The following C17orf113 variants were observed in gnomAD, a reference collection of about 807,000 sequenced individuals.
C17orf113 encodes chromosome 17 open reading frame 113, also known as uncharacterized protein C17orf113.
A neutral mutation model predicts 11.6 loss-of-function variants in C17orf113; 5 were observed. The observed-to-expected ratio is 0.43, with a 90% CI of 0.23 to 0.91. The LOEUF is 0.91. Among genes scored for constraint, C17orf113 ranks in the 40% least tolerant of loss-of-function variants. The probability of loss-of-function intolerance (pLI) is 0.26; values close to 1 mark genes in which losing one functional copy is unlikely to be tolerated. For synonymous variants in C17orf113, 327 were observed against 390.6 expected, an observed-to-expected ratio of 0.84 and a Z score of 1.92; for missense variants, 714 against 841.3, an observed-to-expected ratio of 0.85 and a Z score of 1.87.
At chr17:42,041,331 A>G in intron 2 of C17orf113, 142 bp from the exon 3 acceptor site, 1 of 685,662 alleles carries the variant, frequency 1.5e-6, no homozygotes, top group Non-Finnish European at 2.0e-6. Flanking sequence ...TTTGCCACTT[A>G]CTGGCTGTGC....
In C17orf113 at chr17:42,040,861, A is replaced by C; in HGVS notation, c.872T>G (p.Leu291Arg). The C allele has an allele frequency of 8.1e-7, 1 of 1,232,308 alleles. No individual in the cohort carries two copies. The highest frequency in any genetic ancestry group is 1.0e-6 in the Non-Finnish European group (1 of 988,062). The allele number at this position is 1,232,308 out of a possible 1,614,324, so 76.3% of individuals were successfully genotyped here. The change falls in exon 3 of 3, where the codon CTG (leucine) becomes CGG (arginine). Residue 291 changes from leucine (L) to arginine (R), a missense_variant. Around this residue, in one of 3 missense-constraint regions of C17orf113, gnomAD observed 516 missense variants for 626.6 expected, o/e 0.82. Transcript: ENST00000587304. ...AGGGAGACAATGCAGCTCTGCCAGCAGTGGGCAAGTGGCCCGGAGCTGTGG... is the reference window on the plus strand; with the variant it reads ...AGGGAGACAATGCAGCTCTGCCAGCCGTGGGCAAGTGGCCCGGAGCTGTGG... ...VGPQLRATCP[L>R]LAELHCLPGR...
chr17:42,049,305 C>T (rs2053236743), intron 1 of C17orf113, among the ~76,000 whole-genome samples: 1 of 152,222 alleles, frequency 6.6e-6, no homozygotes, highest in East Asian at 1.9e-4. Flanking sequence ...CCATTCCATG[C>T]TCCACAGATT....
At position 42,039,822 on chromosome 17, in the gene C17orf113, G is replaced by T; in HGVS notation, c.1911C>A (p.Gly637=). The T allele has an allele frequency of 8.1e-7, 1 of 1,231,166 alleles. No homozygotes were observed. The highest frequency in any genetic ancestry group is 1.0e-6 in the Non-Finnish European group (1 of 987,574). The allele number at this position is 1,231,166 out of a possible 1,614,324, so 76.3% of individuals were successfully genotyped here. Reference sequence around the variant, plus strand: ...CATCCACTGCGATCTTCACCATGTGGCCCCCCCGGCCTTCCCCGGCCCCAC... The same window carrying T: ...CATCCACTGCGATCTTCACCATGTGTCCCCCCCGGCCTTCCCCGGCCCCAC... The part of the protein sequence containing the change: ...GQSGAGEGRG[G]HMVKIAVDGP... The change falls in exon 3 of 3, where the codon GGC becomes GGA. Residue 637 remains glycine, a synonymous_variant. Coordinates refer to ENST00000587304, the MANE Select transcript of C17orf113 (RefSeq NM_001358661.2).
rs561668421 is a variant in C17orf113, at chr17:42,043,144, C to T, written c.233G>A (p.Arg78His). The change falls in exon 2 of 3, where the codon CGC becomes CAC. Residue 78 changes from arginine to histidine, a missense_variant. Transcript: ENST00000587304. ...GCGGTGGGCTCCTGAGGTCACGTGG[C>T]GCAGCAGGGCGTGGCGCTGGAAGTT... Reference protein sequence around the residue: ...TDNFQRHALLRHVTSGAHRQA... With the variant: ...TDNFQRHALLHHVTSGAHRQA... The T allele has an allele frequency of 4.1e-6, 5 of 1,232,192 alleles. No homozygotes were observed. The highest frequency in any genetic ancestry group is 1.5e-5 in the African/African-American group (1 of 64,524). The allele number at this position is 1,232,192 out of a possible 1,614,324, so 76.3% of individuals were successfully genotyped here.
At chr17:42,047,629 A>G (rs1026094082) in intron 1 of C17orf113, among the ~76,000 whole-genome samples, 4 of 151,622 alleles carry the variant, frequency 2.6e-5, no homozygotes, top group African/African-American at 4.8e-5. Flanking sequence ...GCCAGATGCA[A>G]TCGTAACTTC....
intron 1 of C17orf113, among the ~76,000 whole-genome samples, chr17:42,045,904 A>G (rs543909956): frequency 4.6e-5 from 7 of 152,306 alleles, no homozygotes; most frequent in Admixed American, 3.9e-4. Context: ...TTCTGTTAAT[A>G]GAGCCTCCCG....
At position 42,043,241 on chromosome 17, in the gene C17orf113, G is replaced by A. The variant is rs1401741746; in HGVS notation, c.136C>T (p.Leu46Phe). The A allele has an allele frequency of 8.9e-6, 11 of 1,232,136 alleles. No individual in the cohort carries two copies. Among genetic ancestry groups the A allele is most frequent in the Non-Finnish European group, 1.1e-5 (11 of 988,018 alleles). 76.3% of individuals were successfully genotyped at this position (1,232,136 alleles called of 1,614,324 possible). A position where few individuals can be genotyped will look rare whatever the true frequency, so the allele number is the denominator to read the frequency against. ...FDYERKLMFC[L>F]ECRQALVRNK... ...CGTACCAGGGCCTGGCGGCACTCGAGGCAGAACATCAGCTTCCGCTCATAG... is the reference window on the plus strand; with the variant it reads ...CGTACCAGGGCCTGGCGGCACTCGAAGCAGAACATCAGCTTCCGCTCATAG... The change falls in exon 2 of 3, where the codon CTC (leucine) becomes TTC (phenylalanine). Residue 46 changes from leucine to phenylalanine, a missense_variant. Coordinates refer to ENST00000587304, the MANE Select transcript of C17orf113 (RefSeq NM_001358661.2).
chr17:42,038,483 C>T lies in C17orf113; in HGVS notation c.*1222G>A, dbSNP rs782810330. On this transcript the variant is annotated 3_prime_UTR_variant, in exon 3 of 3. Coordinates refer to ENST00000587304, the MANE Select transcript of C17orf113 (RefSeq NM_001358661.2). ...CCAACATTCCTGGGTTGGGCCTCGA[C>T]GCCAGTCCTTGGAGGTGGCAGGTAC... 6.0e-5 allele frequency: 10 copies of T among 167,638 alleles called. No individual in the cohort carries two copies. The highest frequency in any genetic ancestry group is 1.0e-4 in the Non-Finnish European group (8 of 79,284). The allele number at this position is 167,638 out of a possible 1,614,324, so 10.4% of individuals were successfully genotyped here. A position where few individuals can be genotyped will look rare whatever the true frequency, so the allele number is the denominator to read the frequency against.
chr17:42,040,350 G>C lies in C17orf113; in HGVS notation c.1383C>G (p.Asp461Glu). 8.1e-7 allele frequency: 1 copy of C among 1,231,826 alleles called. No homozygotes were observed. The highest frequency in any genetic ancestry group is 1.0e-6 in the Non-Finnish European group (1 of 987,914). The allele number at this position is 1,231,826 out of a possible 1,614,324, so 76.3% of individuals were successfully genotyped here. A position where few individuals can be genotyped will look rare whatever the true frequency, so the allele number is the denominator to read the frequency against. ...TGCAGCGTCCGCTGCTGGCGTCAGGGTCCATGGATGCCAGTTCCTGCAGGA... is the reference window on the plus strand; with the variant it reads ...TGCAGCGTCCGCTGCTGGCGTCAGGCTCCATGGATGCCAGTTCCTGCAGGA... Reference protein sequence around the residue: ...QGFLQELASMDPDASSGRCTY... With the variant: ...QGFLQELASMEPDASSGRCTY... Residue 461 changes from aspartate (D) to glutamate (E), a missense_variant, in exon 3 of 3, where the codon GAC (aspartate) becomes GAG (glutamate). By Grantham distance (45) the Asp-to-Glu change is conservative. Coordinates refer to ENST00000587304, the MANE Select transcript of C17orf113 (RefSeq NM_001358661.2).
In C17orf113 at chr17:42,039,573, C is replaced by A; in HGVS notation, c.*132G>T. ...GGGTTGGTGGGAAGCTCCAGAAGGG[C>A]GGGTGGATGGCCTCAGGCCCCTGGG... On this transcript the variant is annotated 3_prime_UTR_variant, in exon 3 of 3. Coordinates refer to ENST00000587304, the MANE Select transcript of C17orf113 (RefSeq NM_001358661.2). 1 of 829,432 alleles carries A rather than the reference C, an allele frequency of 1.2e-6. No individual in the cohort carries two copies. The highest frequency in any genetic ancestry group is 1.6e-6 in the Non-Finnish European group (1 of 621,510). The allele number at this position is 829,432 out of a possible 1,614,324, so 51.4% of individuals were successfully genotyped here.
At position 42,040,176 on chromosome 17, in the gene C17orf113, C is replaced by CGCTGCGAAGGCGGCCACGGCGT; in HGVS notation, c.1535_1556dup (p.Ile520ArgfsTer53). The CGCTGCGAAGGCGGCCACGGCGT allele has an allele frequency of 8.1e-7, 1 of 1,231,564 alleles. No individual in the cohort carries two copies. Among genetic ancestry groups the CGCTGCGAAGGCGGCCACGGCGT allele is most frequent in the Non-Finnish European group, 1.0e-6 (1 of 987,844 alleles). 76.3% of individuals were successfully genotyped at this position (1,231,564 alleles called of 1,614,324 possible). On this transcript the variant is annotated frameshift_variant, in exon 3 of 3. Transcript: ENST00000587304. LOFTEE classifies it low-confidence loss of function (END_TRUNC). ...GCGGGTAGCGTCGGGGGTCGAAGAT[C>CGCTGCGAAGGCGGCCACGGCGT]GCTGCGAAGGCGGCCACGGCGTCCA... is the stretch of plus-strand genomic sequence containing the variant.
chr17:42,042,957 C>T lies in C17orf113; in HGVS notation c.420G>A (p.Lys140=). 1 of 1,232,514 alleles carries T rather than the reference C, an allele frequency of 8.1e-7. No individual in the cohort carries two copies. Among genetic ancestry groups the T allele is most frequent in the Non-Finnish European group, 1.0e-6 (1 of 988,232 alleles). The allele number at this position is 1,232,514 out of a possible 1,614,324, so 76.3% of individuals were successfully genotyped here. ...AGCAGCGGTCATTGGGCACATCCTC[C>T]TTTGCCATGCAGTACACAGTAGTCA... ...AVLTTVYCMA[K]EDVPNDRCSA... The change falls in exon 2 of 3, where the codon AAG becomes AAA. Residue 140 remains lysine, a synonymous_variant. Coordinates refer to ENST00000587304, the MANE Select transcript of C17orf113 (RefSeq NM_001358661.2).
In C17orf113 at chr17:42,040,326, G is replaced by A; in HGVS notation, c.1407C>T (p.Cys469=). The change falls in exon 3 of 3, where the codon TGC becomes TGT. Residue 469 remains cysteine (C), a synonymous_variant. Coordinates refer to ENST00000587304, the MANE Select transcript of C17orf113 (RefSeq NM_001358661.2). The part of the protein sequence containing the change: ...SMDPDASSGR[C]TYRGVELLGY... ...CGAGCAGCTCCACGCCGCGGTAGGTGCAGCGTCCGCTGCTGGCGTCAGGGT... is the reference window on the plus strand; with the variant it reads ...CGAGCAGCTCCACGCCGCGGTAGGTACAGCGTCCGCTGCTGGCGTCAGGGT... 8.1e-7 allele frequency: 1 copy of A among 1,231,822 alleles called. No homozygotes were observed. The highest frequency in any genetic ancestry group is 1.0e-6 in the Non-Finnish European group (1 of 987,952). The allele number at this position is 1,231,822 out of a possible 1,614,324, so 76.3% of individuals were successfully genotyped here. A position where few individuals can be genotyped will look rare whatever the true frequency, so the allele number is the denominator to read the frequency against.
At chr17:42,045,185 G>A (rs1434879869) in intron 1 of C17orf113, among the ~76,000 whole-genome samples, 1 of 152,116 alleles carries the variant, frequency 6.6e-6, no homozygotes, top group Non-Finnish European at 1.5e-5. Context: ...CCAAAGTGCT[G>A]GGATTACAGG....
chr17:42,042,091 C>G (rs1555656182), intron 2 of C17orf113, among the ~76,000 whole-genome samples: 1 of 152,072 alleles, frequency 6.6e-6, no homozygotes, highest in Non-Finnish European at 1.5e-5. Context: ...CAAAAGAAAA[C>G]TAAGTCAAAA....
rs1326252018 is a variant in C17orf113 at position 42,040,637 on chromosome 17, C to G, written c.1096G>C (p.Glu366Gln). The change falls in exon 3 of 3, where the codon GAG (glutamate) becomes CAG (glutamine). Residue 366 changes from glutamate (E) to glutamine (Q), a missense_variant. Glu to Gln is a conservative substitution (Grantham distance 29). Coordinates refer to ENST00000587304, the MANE Select transcript of C17orf113 (RefSeq NM_001358661.2). ...GTGGGCACCAGGCCAGGCCAGGCCT[C>G]GGCCACTGCTTCCACTACAGGCAGC... is the stretch of plus-strand genomic sequence containing the variant. ...SLLPVVEAVAEAWPGLVPTLE... is the reference protein window; with the variant it reads ...SLLPVVEAVAQAWPGLVPTLE... 2 of 1,232,156 alleles carry G rather than the reference C, an allele frequency of 1.6e-6. No individual in the cohort carries two copies. The highest frequency in any genetic ancestry group is 4.2e-5 in the Admixed American group (1 of 23,704). 76.3% of individuals were successfully genotyped at this position (1,232,156 alleles called of 1,614,324 possible).
rs72820858 is a variant in C17orf113 at position 42,039,704 on chromosome 17, C to T, written c.*1G>A. 4,071 of 1,232,510 alleles carry T rather than the reference C, an allele frequency of 3.3e-3. 4 individuals are homozygous for T. Among genetic ancestry groups the T allele is most frequent in the Non-Finnish European group, 3.9e-3 (3,827 of 988,276 alleles). 76.3% of individuals were successfully genotyped at this position (1,232,510 alleles called of 1,614,324 possible). ...GATGGGCCGAGGGAAGGAGGCCACC[C>T]TCAGGTGAGCTGCGACCCCAGGAAG... is the stretch of plus-strand genomic sequence containing the variant. On this transcript the variant is annotated 3_prime_UTR_variant, in exon 3 of 3. Coordinates refer to ENST00000587304, the MANE Select transcript of C17orf113 (RefSeq NM_001358661.2).
At position 42,039,776 on chromosome 17, in the gene C17orf113, C is replaced by T; in HGVS notation, c.1957G>A (p.Asp653Asn). Residue 653 changes from aspartate (D) to asparagine (N), a missense_variant, in exon 3 of 3, where the codon GAC (aspartate) becomes AAC (asparagine). This residue lies in a region of C17orf113 where 194 missense variants were observed against 197.2 expected (regional missense o/e 0.98). Coordinates refer to ENST00000587304, the MANE Select transcript of C17orf113 (RefSeq NM_001358661.2). ...AAGAACTCCACAGCCAACCCGAAGT[C>T]AAACTCGTGCAGCGGGGGCCCATCC... The part of the protein sequence containing the change: ...AVDGPPLHEF[D>N]FGLAVEFLES... The T allele has an allele frequency of 8.1e-7, 1 of 1,232,370 alleles. No homozygotes were observed. The highest frequency in any genetic ancestry group is 1.0e-6 in the Non-Finnish European group (1 of 988,118). The allele number at this position is 1,232,370 out of a possible 1,614,324, so 76.3% of individuals were successfully genotyped here. A position where few individuals can be genotyped will look rare whatever the true frequency, so the allele number is the denominator to read the frequency against.
At chr17:42,044,307 C>CAA (rs57246793) in intron 1 of C17orf113, among the ~76,000 whole-genome samples, 9 of 70,504 alleles carry the variant, frequency 1.3e-4, no homozygotes, top group African/African-American at 2.4e-4. Context: ...GACCCTGTCT[C>CAA]AAAAAAAAAA....
Sources: allele counts gnomAD v4.1 joint callset (sites outside exome capture counted in the v4.1 genomes callset), GRCh38; gene constraint gnomAD v4.1.1; regional missense constraint gnomAD v4.1.1; transcripts MANE v1.5; gene names NCBI Gene and HGNC (gene_info 2026-07-23, HGNC 2026-07-21).